The following FBLN1 variants were observed in gnomAD, a reference collection of about 807,000 sequenced individuals.
FBLN1 encodes the protein fibulin-1.
A neutral mutation model predicts 89.7 loss-of-function variants in FBLN1; 34 were observed. That is an observed-to-expected ratio of 0.38 (90% CI 0.29 to 0.50). The LOEUF (loss-of-function observed/expected upper bound fraction) is 0.50. FBLN1 is among the 20% of genes least tolerant of loss of function. The pLI is 0.92. For missense variants in FBLN1, 777 were observed against 988.1 expected, an observed-to-expected ratio of 0.79 and a Z score of 2.86; for synonymous variants, 393 against 391.3, an observed-to-expected ratio of 1.00 and a Z score of -0.05.
At chr22:45,558,371 A>G (rs2088814608) in intron 14 of FBLN1, 1 of 256,226 alleles carries the variant, frequency 3.9e-6, no homozygotes, top group Non-Finnish European at 7.6e-6. Flanking sequence ...AAAGCCCAGT[A>G]ACAGGCCAAG....
chr22:45,551,938 G>A (rs890991637), intron 14 of FBLN1, among the ~76,000 whole-genome samples: 1 of 152,246 alleles, frequency 6.6e-6, no homozygotes, highest in African/African-American at 2.4e-5. Context: ...CGAAGAGGGG[G>A]AGGCTGCCCT....
intron 16 of FBLN1, among the ~76,000 whole-genome samples, chr22:45,598,172 G>A (rs773374106): frequency 3.9e-5 from 6 of 152,164 alleles, no homozygotes; most frequent in Non-Finnish European, 7.3e-5. Context: ...CTCCATATTC[G>A]CTCTTCACAG....
chr22:45,543,165 G>A (rs1018985099), intron 10 of FBLN1, among the ~76,000 whole-genome samples: 1 of 152,228 alleles, frequency 6.6e-6, no homozygotes, highest in Non-Finnish European at 1.5e-5. Context: ...TACTTGGGAG[G>A]CTGAGGCAGG....
In FBLN1 at chr22:45,577,306, G is replaced by T. The variant is rs1415476269; in HGVS notation, c.1972+198G>T. ...ACAGCCAGAGTGGGGGATCCTGCCT[G>T]GGATCTGACCCTAGCTGTGCCACCC... On this transcript the variant is annotated intron_variant, in intron 16 of 16. Transcript: ENST00000327858. This position sits in a 1 kb window ranked among gnomAD's most constrained non-coding sequence, Gnocchi z 6.6. Among the ~76,000 whole-genome samples, 1 of 152,146 alleles carries T rather than the reference G, an allele frequency of 6.6e-6. No homozygotes were observed. The highest frequency in any genetic ancestry group is 2.4e-5 in the African/African-American group (1 of 41,438).
At chr22:45,541,621 T>C (rs138101937) in intron 9 of FBLN1, among the ~76,000 whole-genome samples, 384 of 152,308 alleles carry the variant, frequency 2.5e-3, no homozygotes, top group African/African-American at 8.6e-3. Flanking sequence ...CTGTTTACAG[T>C]TCCATCAGCT....
intron 2 of FBLN1, among the ~76,000 whole-genome samples, chr22:45,524,006 G>A (rs2088286562): frequency 6.6e-6 from 1 of 152,324 alleles, no homozygotes; most frequent in East Asian, 1.9e-4. Flanking sequence ...GGCTCGCTCT[G>A]GCAGTTTAGT....
intron 3 of FBLN1, 32 bp from the exon 4 acceptor site, chr22:45,527,815 C>T (rs1391928233): frequency 1.9e-6 from 3 of 1,612,636 alleles, no homozygotes; most frequent in Middle Eastern, 1.9e-4. Context: ...TCTGCCCGCT[C>T]CTCCATCTGG....
In FBLN1 at chr22:45,545,104, A is replaced by C. The variant is rs1384315809; in HGVS notation, c.1321+1578A>C. 1.3e-5 allele frequency among the ~76,000 whole-genome samples: 2 copies of C among 152,216 alleles called. No individual in the cohort carries two copies. Among genetic ancestry groups the C allele is most frequent in the Non-Finnish European group, 2.9e-5 (2 of 68,030 alleles). ...TGGTCGCAGGGGTTGGATATGCCAC[A>C]GTGAGCTGTGGTGTGCATGATTCTC... is the stretch of plus-strand genomic sequence containing the variant. On this transcript the variant is annotated intron_variant, in intron 11 of 16. Coordinates refer to ENST00000327858, the MANE Select transcript of FBLN1 (RefSeq NM_006486.3). This position sits in a 1 kb window ranked among gnomAD's most constrained non-coding sequence, Gnocchi z 5.9.
In FBLN1 at chr22:45,578,440, C is replaced by T. The variant is rs772683822; in HGVS notation, c.1972+1332C>T. Reference sequence around the variant, plus strand: ...TTACAATTAATGGTGCATTAGCCCTCGCGTGATTCCAAGGGGAAGGCGCAT... The same window carrying T: ...TTACAATTAATGGTGCATTAGCCCTTGCGTGATTCCAAGGGGAAGGCGCAT... On this transcript the variant is annotated intron_variant, in intron 16 of 16. Transcript: ENST00000327858. This position sits in a 1 kb window ranked among gnomAD's most constrained non-coding sequence, Gnocchi z 4.6. 6.6e-6 allele frequency: 1 copy of T among 152,182 alleles called. No individual in the cohort carries two copies. Among genetic ancestry groups the T allele is most frequent in the Non-Finnish European group, 1.5e-5 (1 of 68,040 alleles). 9.4% of individuals were successfully genotyped at this position (152,182 alleles called of 1,614,324 possible). A position where few individuals can be genotyped will look rare whatever the true frequency, so the allele number is the denominator to read the frequency against.
Position 45,505,756 on chromosome 22 carries a change from A to ATAT in FBLN1, c.79+2709_79+2711dup, listed in dbSNP as rs56256438. 5.0e-3 allele frequency among the ~76,000 whole-genome samples: 761 copies of ATAT among 152,112 alleles called. 5 individuals carry two copies. Among genetic ancestry groups the ATAT allele is most frequent in the Non-Finnish European group, 5.5e-3 (371 of 67,978 alleles). ...TAGGATAGTGTCTACCATGGCAGCT[A>ATAT]TATTATTATTATTATTATTTTATTT... On this transcript the variant is annotated intron_variant, in intron 1 of 16. Coordinates refer to ENST00000327858, the MANE Select transcript of FBLN1 (RefSeq NM_006486.3).
chr22:45,566,964 C>T (rs941902477), intron 14 of FBLN1, among the ~76,000 whole-genome samples: 1 of 152,230 alleles, frequency 6.6e-6, no homozygotes, highest in East Asian at 1.9e-4. Flanking sequence ...GCATGTAATT[C>T]GTTTACTCTT....
At chr22:45,519,052 G>A (rs1433473747) in intron 2 of FBLN1, among the ~76,000 whole-genome samples, 1 of 152,080 alleles carries the variant, frequency 6.6e-6, no homozygotes, top group East Asian at 1.9e-4. Context: ...AGAAGATCTG[G>A]GCTTGCAGCT....
intron 1 of FBLN1, among the ~76,000 whole-genome samples, chr22:45,504,764 CT>C (rs1345681469): frequency 1.3e-5 from 2 of 152,166 alleles, no homozygotes; most frequent in Non-Finnish European, 2.9e-5. Context: ...CCCAGTGTGG[CT>C]CACTGCTGAG....
intron 2 of FBLN1, among the ~76,000 whole-genome samples, chr22:45,520,092 C>A (rs1281574431): frequency 6.6e-6 from 1 of 152,180 alleles, no homozygotes; most frequent in East Asian, 1.9e-4. Flanking sequence ...ATCGCTTGAA[C>A]CCGGGAAGCG....
At chr22:45,598,923 T>G (rs939869598) in intron 16 of FBLN1, among the ~76,000 whole-genome samples, 1 of 152,168 alleles carries the variant, frequency 6.6e-6, no homozygotes, top group Non-Finnish European at 1.5e-5. Context: ...CGCAGTGCAG[T>G]GAGGACTGTC....
intron 12 of FBLN1, among the ~76,000 whole-genome samples, chr22:45,548,102 G>GCACC (rs2088654799): frequency 6.6e-6 from 1 of 152,186 alleles, no homozygotes; most frequent in South Asian, 2.1e-4. Flanking sequence ...AGGTTGGAGG[G>GCACC]CAGTGGTACA....
chr22:45,533,652 G>C, intron 6 of FBLN1, 109 bp from the exon 7 acceptor site: 4 of 1,314,286 alleles, frequency 3.0e-6, no homozygotes, highest in South Asian at 2.4e-5. Flanking sequence ...CTCAGTTTGC[G>C]AGGGTGCAGG....
chr22:45,600,831 A>T lies in FBLN1; in HGVS notation c.*385A>T, dbSNP rs59932960. On this transcript the variant is annotated 3_prime_UTR_variant, in exon 17 of 17. Coordinates refer to ENST00000327858, the MANE Select transcript of FBLN1 (RefSeq NM_006486.3). ...ATTGTATGAAATTTGACATTTTGGC[A>T]CTTTTTTTTTTTTTTTGGCCAATCA... The T allele has an allele frequency of 7.6e-3, 2,166 of 286,056 alleles. 46 individuals are homozygous for T. Among genetic ancestry groups the T allele is most frequent in the African/African-American group, 0.046 (2,025 of 43,594 alleles). 17.7% of individuals were successfully genotyped at this position (286,056 alleles called of 1,614,324 possible).
chr22:45,523,659 G>A (rs992295779), intron 2 of FBLN1, among the ~76,000 whole-genome samples: 9 of 152,100 alleles, frequency 5.9e-5, no homozygotes, highest in Admixed American at 3.3e-4. Flanking sequence ...AGCCCTGATC[G>A]CAACATTGCA....
Sources: gnomAD v4.1 joint callset for allele counts (sites outside exome capture counted in the v4.1 genomes callset) on GRCh38, gnomAD v4.1.1 for gene constraint, Gnocchi (gnomAD v3.1) non-coding constraint, MANE v1.5 for transcripts, NCBI Gene and HGNC (gene_info 2026-07-23, HGNC 2026-07-21) for gene names.